The following MDFIC2 variants were observed in gnomAD, a reference collection of about 807,000 sequenced individuals.
MDFIC2 encodes the protein myoD family inhibitor domain-containing protein 2.
rs546490541 is a variant in MDFIC2 at position 70,311,021 on chromosome 3, CAATA to C, written c.88+861_88+864del. 1.4e-4 allele frequency among the ~76,000 whole-genome samples: 22 copies of C among 152,172 alleles called. No individual in the cohort carries two copies. The South Asian group carries it at 4.6e-3, about 32-fold the overall frequency. ...TGTCATGATGATTCAGCAAAATCAT[CAATA>C]AATATCAATAAACATTGTCAATGTT... is the stretch of plus-strand genomic sequence containing the variant. On this transcript the variant is annotated intron_variant, in intron 2 of 3. Coordinates refer to ENST00000567252, the MANE Select transcript of MDFIC2 (RefSeq NM_001364677.1).
intron 2 of MDFIC2, among the ~76,000 whole-genome samples, chr3:70,287,864 C>A (rs1418077246): frequency 6.6e-6 from 1 of 151,946 alleles, no homozygotes. Flanking sequence ...TTGTAGTATT[C>A]TCTGATGGTA....
Position 70,299,384 on chromosome 3 carries a change from G to A in MDFIC2, c.88+12502C>T, listed in dbSNP as rs190201759. On this transcript the variant is annotated intron_variant, in intron 2 of 3. Coordinates refer to ENST00000567252, the MANE Select transcript of MDFIC2 (RefSeq NM_001364677.1). ...TGTACAGTGGCTATCTATGCATGTG[G>A]GAATTGAGAATAATTTTTTTCCATT... is the stretch of plus-strand genomic sequence containing the variant. 7.9e-5 allele frequency among the ~76,000 whole-genome samples: 12 copies of A among 152,102 alleles called. No individual in the cohort carries two copies. In the East Asian group the frequency reaches 2.3e-3, roughly 29 times the overall value.
At chr3:70,199,514 CAG>C (rs1576152193) in intron 3 of MDFIC2, among the ~76,000 whole-genome samples, 1 of 152,202 alleles carries the variant, frequency 6.6e-6, no homozygotes, top group East Asian at 1.9e-4. Context: ...TTTTAAAAGG[CAG>C]AGTCTCTTGC....
intron 2 of MDFIC2, among the ~76,000 whole-genome samples, chr3:70,215,777 A>T (rs2106732778): frequency 6.6e-6 from 1 of 152,240 alleles, no homozygotes; most frequent in Middle Eastern, 3.4e-3. Flanking sequence ...CAAGTAATAA[A>T]TACATTTTAG....
chr3:70,302,306 T>C (rs2106702540), intron 2 of MDFIC2, among the ~76,000 whole-genome samples: 1 of 152,258 alleles, frequency 6.6e-6, no homozygotes, highest in South Asian at 2.1e-4. Context: ...TGTAGGTGCA[T>C]TTTATTAGCG....
At chr3:70,221,873 T>C (rs1038434469) in intron 2 of MDFIC2, among the ~76,000 whole-genome samples, 7 of 152,194 alleles carry the variant, frequency 4.6e-5, no homozygotes, top group African/African-American at 1.7e-4. Flanking sequence ...TTACTTTCAA[T>C]TGGAAAAACC....
intron 2 of MDFIC2, among the ~76,000 whole-genome samples, chr3:70,262,885 A>T (rs1000627470): frequency 2.0e-5 from 3 of 152,016 alleles, no homozygotes; most frequent in African/African-American, 7.3e-5. Context: ...ATTTCTCCCA[A>T]TATTTTTGTC....
At chr3:70,209,015 G>A (rs2106726549) in intron 2 of MDFIC2, among the ~76,000 whole-genome samples, 1 of 152,156 alleles carries the variant, frequency 6.6e-6, no homozygotes, top group Admixed American at 6.5e-5. Context: ...AGAACACTAG[G>A]CTTCCTCTAA....
At chr3:70,221,547 G>T (rs756820474) in intron 2 of MDFIC2, among the ~76,000 whole-genome samples, 51 of 152,088 alleles carry the variant, frequency 3.4e-4, no homozygotes, top group Non-Finnish European at 6.9e-4. Flanking sequence ...GCCCTCAGGA[G>T]CTTTATGGCC....
At chr3:70,284,433 C>G (rs1262131784) in intron 2 of MDFIC2, among the ~76,000 whole-genome samples, 1 of 152,074 alleles carries the variant, frequency 6.6e-6, no homozygotes, top group Non-Finnish European at 1.5e-5. Flanking sequence ...GAGAACCTCT[C>G]ACTTTGAAGA....
At chr3:70,309,189 G>A (rs971796839) in intron 2 of MDFIC2, among the ~76,000 whole-genome samples, 2 of 152,096 alleles carry the variant, frequency 1.3e-5, no homozygotes, top group African/African-American at 4.8e-5. Context: ...CTCAAAGACC[G>A]AGGTTGGAGA....
intron 2 of MDFIC2, among the ~76,000 whole-genome samples, chr3:70,220,755 C>A (rs1177501663): frequency 6.6e-6 from 1 of 152,108 alleles, no homozygotes; most frequent in Admixed American, 6.6e-5. Flanking sequence ...TGAATAAAAT[C>A]CTTTGCCCAC....
intron 2 of MDFIC2, among the ~76,000 whole-genome samples, chr3:70,258,567 A>G (rs905969528): frequency 1.3e-5 from 2 of 152,176 alleles, no homozygotes; most frequent in Non-Finnish European, 2.9e-5. Flanking sequence ...CTGAATTTCT[A>G]TCCATTGTAA....
intron 2 of MDFIC2, among the ~76,000 whole-genome samples, chr3:70,292,638 A>G (rs1702249682): frequency 6.6e-6 from 1 of 152,134 alleles, no homozygotes; most frequent in African/African-American, 2.4e-5. Flanking sequence ...AAAAATAACT[A>G]TTTAAACTCC....
intron 2 of MDFIC2, among the ~76,000 whole-genome samples, chr3:70,244,236 G>C (rs1326221628): frequency 1.3e-5 from 2 of 152,180 alleles, no homozygotes; most frequent in East Asian, 1.9e-4. Context: ...ACTCCAGTAA[G>C]GAACTAATGT....
At chr3:70,232,723 A>G (rs1701572253) in intron 2 of MDFIC2, among the ~76,000 whole-genome samples, 1 of 152,140 alleles carries the variant, frequency 6.6e-6, no homozygotes. Flanking sequence ...AGTCACAATA[A>G]TAATGTAAAT....
In MDFIC2 at chr3:70,220,325, G is replaced by T. The variant is rs116049925; in HGVS notation, c.89-13535C>A. The stretch of plus-strand genomic sequence containing the variant: ...TCATGCCTGTAATCCCAGTGCTTTG[G>T]GAGGCCGAGGTGAGAGGATAACTTG... On this transcript the variant is annotated intron_variant, in intron 2 of 3. Transcript: ENST00000567252. Among the ~76,000 whole-genome samples the T allele has an allele frequency of 9.4e-3, 1,426 of 152,164 alleles. 21 individuals carry two copies. Among genetic ancestry groups the T allele is most frequent in the African/African-American group, 0.032 (1,346 of 41,492 alleles).
chr3:70,208,261 G>A (rs1701310635), intron 2 of MDFIC2, among the ~76,000 whole-genome samples: 1 of 152,022 alleles, frequency 6.6e-6, no homozygotes, highest in African/African-American at 2.4e-5. Flanking sequence ...TGCCTGGTTG[G>A]TTCAATAATG....
rs1701292345 is a variant in MDFIC2, at chr3:70,206,548, G to A, written c.310+21C>T. 2.3e-5 allele frequency: 9 copies of A among 397,344 alleles called. No individual in the cohort carries two copies. In the East Asian group the frequency reaches 3.2e-4, roughly 14 times the overall value. The allele number at this position is 397,344 out of a possible 1,614,324, so 24.6% of individuals were successfully genotyped here. A position where few individuals can be genotyped will look rare whatever the true frequency, so the allele number is the denominator to read the frequency against. On this transcript the variant is annotated intron_variant, in intron 3 of 3. Coordinates refer to ENST00000567252, the MANE Select transcript of MDFIC2 (RefSeq NM_001364677.1). ...GGTTGGGAGCTTTATTTAGAGATGG[G>A]TTGAATTCTGAGAAACATACCATCA...
Sources: allele counts gnomAD v4.1 joint callset (sites outside exome capture counted in the v4.1 genomes callset), GRCh38; gene constraint gnomAD v4.1.1; transcripts MANE v1.5; gene names NCBI Gene and HGNC (gene_info 2026-07-23, HGNC 2026-07-21).